Variants in DGLUCY observed in about 807,000 individuals in gnomAD.
The protein encoded by DGLUCY is D-glutamate cyclase, mitochondrial.
A neutral mutation model predicts 58.5 loss-of-function variants in DGLUCY; 58 were observed. The ratio of observed to expected loss-of-function variants is 0.99; its 90% CI spans 0.80 to 1.23. The LOEUF is 1.23. DGLUCY is among the 50% of genes most tolerant of loss of function. DGLUCY has a pLI of 0.00. For missense variants in DGLUCY, 779 were observed against 784.7 expected, an observed-to-expected ratio of 0.99 and a Z score of 0.09; for synonymous variants, 325 against 314.1, an observed-to-expected ratio of 1.03 and a Z score of -0.37.
At position 91,204,784 on chromosome 14, in the gene DGLUCY, T is replaced by A. The variant is rs1421230115; in HGVS notation, c.1523T>A (p.Val508Asp). 3 of 1,614,000 alleles carry A rather than the reference T, an allele frequency of 1.9e-6. No homozygotes were observed. The African/African-American group carries it at 4.0e-5, about 22-fold the overall frequency. ...AVRRHIRHGDVIACDVEADFA... is the reference protein window; with the variant it reads ...AVRRHIRHGDDIACDVEADFA... ...AGGAGGCACATACGGCACGGGGATG[T>A]CATCGCCTGCGACGTGGAGGCTGAC... The change falls in exon 12 of 14, where the codon GTC (valine) becomes GAC (aspartate). Residue 508 changes from valine to aspartate, a missense_variant. Physicochemically the swap from Val to Asp is radical, Grantham distance 152. Coordinates refer to ENST00000256324, the MANE Select transcript of DGLUCY (RefSeq NM_001102368.3).
chr14:91,126,371 GC>G (rs1005713760), intron 1 of DGLUCY: 1 of 156,582 alleles, frequency 6.4e-6, no homozygotes, highest in African/African-American at 2.5e-5. Context: ...TCACAGGATG[GC>G]CCCTTCTGTG....
At chr14:91,190,362 G>A (rs1042762737) in intron 9 of DGLUCY, among the ~76,000 whole-genome samples, 1 of 152,152 alleles carries the variant, frequency 6.6e-6, no homozygotes, top group Non-Finnish European at 1.5e-5. Context: ...TCTTCCAGTG[G>A]AGTGTGACAG....
intron 13 of DGLUCY, among the ~76,000 whole-genome samples, chr14:91,221,955 A>T (rs1887583521): frequency 6.6e-6 from 1 of 151,968 alleles, no homozygotes; most frequent in Non-Finnish European, 1.5e-5. Context: ...GTGACTTAAT[A>T]GCAAGCACCC....
intron 1 of DGLUCY, among the ~76,000 whole-genome samples, chr14:91,063,725 G>T (rs1029542574): frequency 3.3e-5 from 5 of 152,248 alleles, no homozygotes; most frequent in Non-Finnish European, 7.3e-5. Flanking sequence ...AGTAAGCAAG[G>T]GATGAGGTTC....
At chr14:91,094,432 C>A (rs1469359167) in intron 1 of DGLUCY, among the ~76,000 whole-genome samples, 4 of 145,836 alleles carry the variant, frequency 2.7e-5, no homozygotes, top group African/African-American at 7.6e-5. Flanking sequence ...GAGACTCTGT[C>A]CCCAAAAAAA....
chr14:91,157,291 A>G (rs376207329), intron 1 of DGLUCY, among the ~76,000 whole-genome samples: 3,940 of 141,490 alleles, frequency 0.028, 82 homozygotes, highest in South Asian at 0.036. Flanking sequence ...GGGTGGGTGG[A>G]TAGATGGATG....
chr14:91,074,651 C>G (rs546807323), intron 1 of DGLUCY, among the ~76,000 whole-genome samples: 2 of 152,242 alleles, frequency 1.3e-5, no homozygotes, highest in East Asian at 3.9e-4. Context: ...ACATGAAAAT[C>G]ACTTAAACAG....
chr14:91,124,549 G>T, intron 1 of DGLUCY, among the ~76,000 whole-genome samples: 1 of 152,316 alleles, frequency 6.6e-6, no homozygotes, highest in East Asian at 1.9e-4. Flanking sequence ...GAAAGTGCTG[G>T]TGGAAGGCCG....
chr14:91,076,745 A>G (rs933895946), intron 1 of DGLUCY, among the ~76,000 whole-genome samples: 4 of 152,096 alleles, frequency 2.6e-5, no homozygotes, highest in Admixed American at 2.6e-4. Context: ...GTGAGAGCAA[A>G]AACAAAAAAG....
chr14:91,102,727 A>T (rs1455728105), intron 1 of DGLUCY, among the ~76,000 whole-genome samples: 1 of 100,702 alleles, frequency 9.9e-6, no homozygotes, highest in African/African-American at 3.7e-5. Context: ...TGCTGCTGGG[A>T]CCCCTTCCAG....
chr14:91,100,823 C>A (rs751969935), intron 1 of DGLUCY, among the ~76,000 whole-genome samples: 14 of 152,176 alleles, frequency 9.2e-5, no homozygotes, highest in Non-Finnish European at 1.6e-4. Flanking sequence ...GTAATCCCAG[C>A]ACTTTGGGAA....
chr14:91,082,070 A>T (rs2044136864), intron 1 of DGLUCY, among the ~76,000 whole-genome samples: 1 of 152,300 alleles, frequency 6.6e-6, no homozygotes. Context: ...ACATATTCAC[A>T]GGCTCTGGGG....
chr14:91,167,196 A>C (rs748127763), intron 3 of DGLUCY, 29 bp from the exon 4 acceptor site: 1 of 1,558,974 alleles, frequency 6.4e-7, no homozygotes, highest in African/African-American at 1.4e-5. Context: ...CGCTGACTAT[A>C]CATTTTTCCC....
At chr14:91,134,518 A>T (rs1278090454) in intron 1 of DGLUCY, among the ~76,000 whole-genome samples, 1 of 151,884 alleles carries the variant, frequency 6.6e-6, no homozygotes, top group Non-Finnish European at 1.5e-5. Flanking sequence ...GCTCACTGCA[A>T]CCTTGGCTTC....
chr14:91,201,979 C>G (rs896849382), intron 11 of DGLUCY, among the ~76,000 whole-genome samples: 3 of 151,594 alleles, frequency 2.0e-5, no homozygotes. Flanking sequence ...TGCTTGAACC[C>G]AGGAGGTGGA....
rs1332903603 is a variant in DGLUCY at position 91,099,795 on chromosome 14, C to T, written c.-82+39091C>T. ...CATGGTTTCCAGTTCTGCCCTTGCC[C>T]TTGGACTTGCTGTGCCACCTTGGGC... On this transcript the variant is annotated intron_variant, in intron 1 of 4. Coordinates refer to the DGLUCY transcript ENST00000521334. Among the ~76,000 whole-genome samples, 15 of 152,148 alleles carry T rather than the reference C, an allele frequency of 9.9e-5. 1 individual carries two copies. The highest frequency in any genetic ancestry group is 9.8e-4 in the Admixed American group (15 of 15,272).
At position 91,191,662 on chromosome 14, in the gene DGLUCY, C is replaced by G. The variant is rs1440508880; in HGVS notation, c.1195+2492C>G. 3.3e-5 allele frequency among the ~76,000 whole-genome samples: 5 copies of G among 152,216 alleles called. No individual in the cohort carries two copies. In the East Asian group the frequency reaches 9.6e-4, roughly 29 times the overall value. The stretch of plus-strand genomic sequence containing the variant: ...CTCAAGTTCTGGTTTCAAAGAAACC[C>G]AAAGAGACAAAAAGTACAGATACAG... On this transcript the variant is annotated intron_variant, in intron 9 of 13. Coordinates refer to ENST00000256324, the MANE Select transcript of DGLUCY (RefSeq NM_001102368.3).
chr14:91,094,823 CAAA>C (rs751631848), intron 1 of DGLUCY, among the ~76,000 whole-genome samples: 6 of 130,902 alleles, frequency 4.6e-5, no homozygotes, highest in Admixed American at 7.8e-5. Flanking sequence ...AACTCTCTCT[CAAA>C]AAAAAAAAAA....
intron 1 of DGLUCY, among the ~76,000 whole-genome samples, chr14:91,062,508 A>G (rs1427065828): frequency 7.1e-6 from 1 of 141,442 alleles, no homozygotes; most frequent in Non-Finnish European, 1.5e-5. Context: ...AGATCACACC[A>G]TTGCACTTCA....
Sources: gnomAD v4.1 joint callset for allele counts (sites outside exome capture counted in the v4.1 genomes callset) on GRCh38, gnomAD v4.1.1 for gene constraint, MANE v1.5 for transcripts, NCBI Gene and HGNC (gene_info 2026-07-23, HGNC 2026-07-21) for gene names.